The following NTNG1 variants were observed in gnomAD, a reference collection of about 807,000 sequenced individuals.
The protein encoded by NTNG1 is netrin-G1.
NTNG1 carries 16 observed loss-of-function variants against 54.0 expected under a neutral mutation model. The observed-to-expected ratio is 0.30, with a 90% CI of 0.20 to 0.45. The LOEUF is 0.45. Among genes scored for constraint, NTNG1 ranks in the 20% least tolerant of loss-of-function variants. The pLI is 1.00. For missense variants in NTNG1, 530 were observed against 678.7 expected, an observed-to-expected ratio of 0.78 and a Z score of 2.43; for synonymous variants, 255 against 263.1, an observed-to-expected ratio of 0.97 and a Z score of 0.30.
chr1:107,305,206 T>C (rs1191416259), intron 2 of NTNG1, among the ~76,000 whole-genome samples: 4 of 152,214 alleles, frequency 2.6e-5, no homozygotes, highest in Admixed American at 1.3e-4. Context: ...TCCATGTGCA[T>C]GTGTCTTTAT....
intron 3 of NTNG1, among the ~76,000 whole-genome samples, chr1:107,353,367 C>CAT (rs1397676960): frequency 6.6e-6 from 1 of 152,164 alleles, no homozygotes; most frequent in African/African-American, 2.4e-5. Context: ...TTCTCAAGTT[C>CAT]AAAGTTCCAC....
intron 3 of NTNG1, among the ~76,000 whole-genome samples, chr1:107,358,865 A>G (rs552276718): frequency 2.0e-5 from 3 of 152,308 alleles, no homozygotes; most frequent in Admixed American, 6.5e-5. Flanking sequence ...TGTGCCTTGA[A>G]CTGACAGATT....
intron 2 of NTNG1, among the ~76,000 whole-genome samples, chr1:107,299,259 A>G (rs1230853446): frequency 3.9e-5 from 6 of 152,190 alleles, no homozygotes; most frequent in Admixed American, 3.9e-4. Context: ...TTCTTTTAAT[A>G]TATGAACAAG....
Position 107,484,713 on chromosome 1 carries a change from A to G in NTNG1, c.*3873A>G, listed in dbSNP as rs1394711830. On this transcript the variant is annotated 3_prime_UTR_variant, in exon 8 of 8. Transcript: ENST00000370068. ...AAGAAATTTTGGATGCACTGGGGGA[A>G]CAACTGTGAGGAAATCTTGACATCG... Among the ~76,000 whole-genome samples, 1 of 152,186 alleles carries G rather than the reference A, an allele frequency of 6.6e-6. No individual in the cohort carries two copies.
At chr1:107,275,821 T>C (rs538000546) in intron 2 of NTNG1, among the ~76,000 whole-genome samples, 105 of 152,294 alleles carry the variant, frequency 6.9e-4, no homozygotes, top group South Asian at 1.7e-3. Context: ...ACACTCAGAT[T>C]AATGTTTGAG....
intron 2 of NTNG1, among the ~76,000 whole-genome samples, chr1:107,289,801 A>G (rs982325073): frequency 1.6e-4 from 25 of 152,182 alleles, no homozygotes; most frequent in Admixed American, 9.8e-4. Flanking sequence ...TCTCATTAAT[A>G]CATTCCCTAG....
rs147177476 is a variant in NTNG1, at chr1:107,240,182, G to T, written c.247-84100G>T. On this transcript the variant is annotated intron_variant, in intron 2 of 7. Coordinates refer to ENST00000370068, the MANE Select transcript of NTNG1 (RefSeq NM_001113226.3). ...TTTTTAAAAAAATGTTTATATTTTG[G>T]AAGTGAATATAGTAAAGGTCTTGCA... Among the ~76,000 whole-genome samples, 61 of 152,014 alleles carry T rather than the reference G, an allele frequency of 4.0e-4. No homozygotes were observed. In the East Asian group the frequency reaches 0.011, roughly 27 times the overall value.
intron 7 of NTNG1, among the ~76,000 whole-genome samples, chr1:107,475,598 A>G (rs1462691004): frequency 6.6e-6 from 1 of 152,168 alleles, no homozygotes; most frequent in Non-Finnish European, 1.5e-5. Flanking sequence ...TCTAATTCCC[A>G]CAGCTCAGCA....
intron 2 of NTNG1, among the ~76,000 whole-genome samples, chr1:107,180,944 CT>C (rs1305623181): frequency 6.6e-6 from 1 of 152,112 alleles, no homozygotes; most frequent in African/African-American, 2.4e-5. Context: ...AAGATTTAAC[CT>C]TTGTTGCTTG....
At chr1:107,201,796 A>G (rs898896674) in intron 2 of NTNG1, among the ~76,000 whole-genome samples, 9 of 151,930 alleles carry the variant, frequency 5.9e-5, no homozygotes, top group Non-Finnish European at 1.3e-4. Flanking sequence ...CTTCAGGCAC[A>G]TTAAATAATG....
intron 2 of NTNG1, among the ~76,000 whole-genome samples, chr1:107,191,642 A>G (rs1657937101): frequency 6.6e-6 from 1 of 151,498 alleles, no homozygotes; most frequent in Non-Finnish European, 1.5e-5. Context: ...AGCTTTCTAC[A>G]TATGGCTAGC....
At chr1:107,478,805 A>G (rs967821498) in intron 7 of NTNG1, among the ~76,000 whole-genome samples, 2 of 152,364 alleles carry the variant, frequency 1.3e-5, no homozygotes, top group Non-Finnish European at 1.5e-5. Context: ...TAAAATCCTG[A>G]AAACCTACAT....
At chr1:107,439,945 C>T (rs1386920750) in intron 7 of NTNG1, among the ~76,000 whole-genome samples, 1 of 151,908 alleles carries the variant, frequency 6.6e-6, no homozygotes, top group African/African-American at 2.4e-5. Flanking sequence ...GCATCCTTGT[C>T]TTCCTTTCCC....
chr1:107,456,020 C>T (rs1242636449), intron 7 of NTNG1, among the ~76,000 whole-genome samples: 1 of 152,072 alleles, frequency 6.6e-6, no homozygotes. Flanking sequence ...GCACCCATTT[C>T]GAGAAGGGAT....
chr1:107,183,896 T>A (rs1335019430), intron 2 of NTNG1, among the ~76,000 whole-genome samples: 1 of 152,130 alleles, frequency 6.6e-6, no homozygotes, highest in Non-Finnish European at 1.5e-5. Context: ...CTAGTAGTCC[T>A]ATGTGATCCC....
intron 3 of NTNG1, among the ~76,000 whole-genome samples, chr1:107,349,986 A>G (rs995503658): frequency 6.6e-6 from 1 of 152,162 alleles, no homozygotes; most frequent in Non-Finnish European, 1.5e-5. Context: ...AATAACCCCT[A>G]CTTTTCTTCC....
In NTNG1 at chr1:107,329,540, G is replaced by GA. The variant is rs1197042000; in HGVS notation, c.887+4623dup. ...CAGTAGAGCACTTTTTAAATTTCTG[G>GA]AAAAATCAGTTATTCTGAAGGTTCC... On this transcript the variant is annotated intron_variant, in intron 3 of 7. Transcript: ENST00000370068. 2.0e-5 allele frequency among the ~76,000 whole-genome samples: 3 copies of GA among 152,174 alleles called. No individual in the cohort carries two copies. In the South Asian group the frequency reaches 6.2e-4, roughly 32 times the overall value.
intron 2 of NTNG1, among the ~76,000 whole-genome samples, chr1:107,155,672 G>T (rs1175113974): frequency 6.6e-6 from 1 of 152,028 alleles, no homozygotes; most frequent in African/African-American, 2.4e-5. Flanking sequence ...ATGTATAGTA[G>T]GAATTCACTA....
At chr1:107,245,684 T>C (rs1346616478) in intron 2 of NTNG1, among the ~76,000 whole-genome samples, 1 of 152,246 alleles carries the variant, frequency 6.6e-6, no homozygotes, top group African/African-American at 2.4e-5. Context: ...AGTTGTTTTA[T>C]GTAGCCAAGG....
Sources: gnomAD v4.1 joint callset for allele counts (sites outside exome capture counted in the v4.1 genomes callset) on GRCh38, gnomAD v4.1.1 for gene constraint, MANE v1.5 for transcripts, NCBI Gene and HGNC (gene_info 2026-07-23, HGNC 2026-07-21) for gene names.